The following ZSWIM7 variants were observed in gnomAD, a reference collection of about 807,000 sequenced individuals.
ZSWIM7 encodes zinc finger SWIM domain-containing protein 7.
In ZSWIM7, 22 loss-of-function variants were observed where a neutral mutation model predicts 21.1. The ratio of observed to expected loss-of-function variants is 1.04; its 90% confidence interval spans 0.74 to 1.49. ZSWIM7 has a LOEUF of 1.49. ZSWIM7 is among the 40% of genes most tolerant of loss of function. The pLI is 0.00. For missense variants in ZSWIM7, 193 were observed against 168.0 expected (o/e 1.15, Z -0.82); for synonymous variants, 67 against 66.5 (o/e 1.01, Z -0.04).
At chr17:15,999,371 G>T (rs1405509988) in intron 1 of ZSWIM7, 148 bp downstream of exon 1, 17 of 1,039,018 alleles carry the variant, frequency 1.6e-5, no homozygotes, top group Admixed American at 7.4e-5. Flanking sequence ...TTGTTTTTTT[G>T]TCTTTTTACG....
intron 1 of ZSWIM7, among the ~76,000 whole-genome samples, chr17:15,996,956 C>T (rs1182474924): frequency 2.0e-5 from 3 of 151,870 alleles, no homozygotes; most frequent in Non-Finnish European, 4.4e-5. Context: ...CTCCAGACTT[C>T]GAGTCCAGCC....
At position 15,981,066 on chromosome 17, in the gene ZSWIM7, C is replaced by G; in HGVS notation, c.280G>C (p.Val94Leu). Residue 94 changes from valine to leucine, a missense_variant, in exon 4 of 5, where the codon GTG becomes CTG. Transcript: ENST00000399277. ...AGGATGCTGTCACTCTTCCGTAGCA[C>G]TGAGAATGCAAATGCAGGACATGAA... is the stretch of plus-strand genomic sequence containing the variant. Reference protein sequence around the residue: ...YCSCPAFAFSVLRKSDSILCK... With the variant: ...YCSCPAFAFSLLRKSDSILCK... 3 of 1,613,818 alleles carry G rather than the reference C, an allele frequency of 1.9e-6. No homozygotes were observed. The highest frequency in any genetic ancestry group is 2.5e-6 in the Non-Finnish European group (3 of 1,179,788).
chr17:15,987,260 T>G lies in ZSWIM7; in HGVS notation c.201+6A>C. 6.2e-7 allele frequency: 1 copy of G among 1,610,838 alleles called. No individual in the cohort carries two copies. Among genetic ancestry groups the G allele is most frequent in the Non-Finnish European group, 8.5e-7 (1 of 1,178,570 alleles). Reference sequence around the variant, plus strand: ...GTAGGGATCACCCCCATCTCTAGACTTCTACCTGGTAAACACGCCTTCCAC... The same window carrying G: ...GTAGGGATCACCCCCATCTCTAGACGTCTACCTGGTAAACACGCCTTCCAC... On this transcript the variant is annotated splice_donor_region_variant and intron_variant, in intron 3 of 4. Coordinates refer to ENST00000399277, the MANE Select transcript of ZSWIM7 (RefSeq NM_001042697.2).
Position 15,989,905 on chromosome 17 carries a change from G to A in ZSWIM7, c.99-2537C>T, listed in dbSNP as rs1356487343. Among the ~76,000 whole-genome samples the A allele has an allele frequency of 2.6e-5, 4 of 151,994 alleles. No individual in the cohort carries two copies. In the East Asian group the frequency reaches 7.7e-4, roughly 29 times the overall value. Reference sequence around the variant, plus strand: ...TTACAGGCGTGATCCACCATGCCTGGCCAAAATTTAATTTTTTGAAAAGGC... The same window carrying A: ...TTACAGGCGTGATCCACCATGCCTGACCAAAATTTAATTTTTTGAAAAGGC... On this transcript the variant is annotated intron_variant, in intron 2 of 4. Transcript: ENST00000399277.
intron 1 of ZSWIM7, among the ~76,000 whole-genome samples, chr17:15,996,630 C>G (rs1302298242): frequency 6.6e-6 from 1 of 152,000 alleles, no homozygotes. Context: ...CTGGCAGAGT[C>G]TGTGTGCCAT....
rs557407775 is a variant in ZSWIM7, at chr17:15,977,857, C to T, written c.*190G>A. 2.5e-5 allele frequency: 14 copies of T among 554,670 alleles called. No homozygotes were observed. The highest frequency in any genetic ancestry group is 2.3e-4 in the African/African-American group (12 of 53,002). The allele number at this position is 554,670 out of a possible 1,614,324, so 34.4% of individuals were successfully genotyped here. ...CTTGACAAGACTGTACAGGGCTTCT[C>T]ATCATACACAAACCCTCCACAGCCC... On this transcript the variant is annotated 3_prime_UTR_variant, in exon 5 of 5. Coordinates refer to ENST00000399277, the MANE Select transcript of ZSWIM7 (RefSeq NM_001042697.2).
rs1288287293 is a variant in ZSWIM7, at chr17:15,990,904, C to G, written c.98+2853G>C. 4 of 152,192 alleles carry G rather than the reference C, an allele frequency of 2.6e-5. No homozygotes were observed. The East Asian group carries it at 7.8e-4, about 30-fold the overall frequency. The allele number at this position is 152,192 out of a possible 1,614,324, so 9.4% of individuals were successfully genotyped here. A position where few individuals can be genotyped will look rare whatever the true frequency, so the allele number is the denominator to read the frequency against. On this transcript the variant is annotated intron_variant, in intron 2 of 4. Coordinates refer to ENST00000399277, the MANE Select transcript of ZSWIM7 (RefSeq NM_001042697.2). ...TTAAGGCCAGGTGTGGTGGCTCATG[C>G]CTGTAATCCCAGCACCTTGGGAGGC...
At chr17:15,992,730 C>T (rs900521481) in intron 2 of ZSWIM7, among the ~76,000 whole-genome samples, 3 of 151,992 alleles carry the variant, frequency 2.0e-5, no homozygotes, top group East Asian at 1.9e-4. Context: ...TGAGCCATTG[C>T]GCCCGGCCAA....
intron 1 of ZSWIM7, among the ~76,000 whole-genome samples, chr17:15,999,064 A>G (rs1391608308): frequency 6.6e-6 from 1 of 152,128 alleles, no homozygotes; most frequent in Non-Finnish European, 1.5e-5. Context: ...CCTACTTTTT[A>G]AAGTGTATGG....
chr17:15,981,760 T>C (rs116003694), intron 3 of ZSWIM7, among the ~76,000 whole-genome samples: 3 of 151,610 alleles, frequency 2.0e-5, no homozygotes, highest in African/African-American at 7.3e-5. Flanking sequence ...GAAAAAAAAA[T>C]TTTTTTAAAG....
intron 4 of ZSWIM7, among the ~76,000 whole-genome samples, chr17:15,979,462 A>G (rs542590042): frequency 3.3e-5 from 5 of 152,012 alleles, no homozygotes; most frequent in African/African-American, 1.2e-4. Context: ...ATTCCACAAA[A>G]CCGCCATTGT....
chr17:15,983,822 G>A (rs1413726300), intron 3 of ZSWIM7, among the ~76,000 whole-genome samples: 2 of 152,044 alleles, frequency 1.3e-5, no homozygotes, highest in Non-Finnish European at 2.9e-5. Context: ...CCTGACCTGA[G>A]GTGATCCACC....
At chr17:15,983,787 A>T (rs1229329669) in intron 3 of ZSWIM7, among the ~76,000 whole-genome samples, 1 of 152,036 alleles carries the variant, frequency 6.6e-6, no homozygotes, top group Non-Finnish European at 1.5e-5. Context: ...GGGTTTTGCC[A>T]TGTTGGCCAG....
chr17:15,997,093 G>A (rs1383779708), intron 1 of ZSWIM7, among the ~76,000 whole-genome samples: 3 of 151,514 alleles, frequency 2.0e-5, no homozygotes. Flanking sequence ...GAGCCTAGGA[G>A]GTCAAAGCTA....
chr17:15,989,033 GAA>G (rs1205970357), intron 2 of ZSWIM7, among the ~76,000 whole-genome samples: 1 of 151,816 alleles, frequency 6.6e-6, no homozygotes, highest in Non-Finnish European at 1.5e-5. Flanking sequence ...AAAAATAAAT[GAA>G]ACAAACAAAC....
intron 4 of ZSWIM7, among the ~76,000 whole-genome samples, chr17:15,979,822 G>T (rs1244637209): frequency 9.6e-4 from 112 of 116,418 alleles, no homozygotes; most frequent in Non-Finnish European, 1.1e-3. Flanking sequence ...CTCCCGGACG[G>T]GGGGCTGACC....
intron 3 of ZSWIM7, chr17:15,987,041 A>G (rs939291908): frequency 2.7e-6 from 1 of 370,640 alleles, no homozygotes; most frequent in Non-Finnish European, 4.8e-6. Flanking sequence ...AGGTATCCAT[A>G]TATCAAAACA....
intron 1 of ZSWIM7, among the ~76,000 whole-genome samples, chr17:15,994,247 C>A (rs1970522181): frequency 6.6e-6 from 1 of 152,206 alleles, no homozygotes; most frequent in Admixed American, 6.5e-5. Context: ...GCCACCGTGC[C>A]CGGCCAGATT....
chr17:15,988,263 C>G (rs1374287655), intron 2 of ZSWIM7, among the ~76,000 whole-genome samples: 1 of 152,048 alleles, frequency 6.6e-6, no homozygotes, highest in Non-Finnish European at 1.5e-5. Context: ...CATTTTTTTA[C>G]TCAATGCATT....
Sources: gnomAD v4.1 joint callset for allele counts (sites outside exome capture counted in the v4.1 genomes callset) on GRCh38, gnomAD v4.1.1 for gene constraint, MANE v1.5 for transcripts, NCBI Gene and HGNC (gene_info 2026-07-23, HGNC 2026-07-21) for gene names.